CDKAL1: variants seen among roughly 807,000 people sequenced by gnomAD.
The protein encoded by CDKAL1 is CDKAL1 threonylcarbamoyladenosine tRNA methylthiotransferase.
Under a neutral mutation model 68.2 loss-of-function variants are expected in CDKAL1, and 32 were observed. The ratio of observed to expected loss-of-function variants is 0.47; its 90% CI spans 0.35 to 0.63. CDKAL1 has a LOEUF of 0.63. Among genes scored for constraint, CDKAL1 ranks in the 30% least tolerant of loss-of-function variants. The probability of loss-of-function intolerance (pLI) is 0.00; values close to 1 mark genes in which losing one functional copy is unlikely to be tolerated. For synonymous variants in CDKAL1, 234 were observed against 244.3 expected (o/e 0.96, Z 0.39); for missense variants, 606 against 696.7 (o/e 0.87, Z 1.47).
intron 13 of CDKAL1, among the ~76,000 whole-genome samples, chr6:21,131,251 GCT>G (rs1200166948): frequency 6.6e-6 from 1 of 152,130 alleles, no homozygotes; most frequent in African/African-American, 2.4e-5. Context: ...AATCTGGTTG[GCT>G]CTGATAGATT....
chr6:20,796,616 G>A (rs1192925163), intron 8 of CDKAL1, among the ~76,000 whole-genome samples: 2 of 152,186 alleles, frequency 1.3e-5, no homozygotes, highest in East Asian at 3.8e-4. Flanking sequence ...AAGAGGTGTG[G>A]TAGTGGTGAA....
intron 5 of CDKAL1, among the ~76,000 whole-genome samples, chr6:20,650,150 AC>A (rs1768685988): frequency 6.6e-6 from 1 of 152,190 alleles, no homozygotes; most frequent in Non-Finnish European, 1.5e-5. Flanking sequence ...ACTGTCTTCC[AC>A]AATGGTTTAA....
rs543664574 is a variant in CDKAL1 at position 20,919,148 on chromosome 6, G to A, written c.743-36271G>A. 3.3e-5 allele frequency among the ~76,000 whole-genome samples: 5 copies of A among 152,278 alleles called. No homozygotes were observed. In the East Asian group the frequency reaches 9.6e-4, roughly 29 times the overall value. ...GCCAGGATGTGACTCAAGTCAGGAT[G>A]GGGTCTACAGCATCATTAGCTCCTA... On this transcript the variant is annotated intron_variant, in intron 9 of 15. Coordinates refer to ENST00000274695, the MANE Select transcript of CDKAL1 (RefSeq NM_017774.3).
chr6:20,846,273 G>C, intron 9 of CDKAL1, 95 bp downstream of exon 9: 1 of 666,900 alleles, frequency 1.5e-6, no homozygotes, highest in East Asian at 2.8e-5. Context: ...AACTTCTTTA[G>C]TTTTCTGAAG....
intron 15 of CDKAL1, among the ~76,000 whole-genome samples, chr6:21,203,841 C>A (rs1022030816): frequency 6.6e-6 from 1 of 151,938 alleles, no homozygotes; most frequent in Non-Finnish European, 1.5e-5. Flanking sequence ...GGATTACAGG[C>A]GTGCGCCACC....
chr6:20,614,816 A>G lies in CDKAL1; in HGVS notation c.287-34477A>G, dbSNP rs1203489131. ...TATTATACTTTAAGTTTTAGGGTAC[A>G]TGTGCACATTGTGCAGGTTAGTTAC... On this transcript the variant is annotated intron_variant, in intron 4 of 15. Transcript: ENST00000274695. Among the ~76,000 whole-genome samples the G allele has an allele frequency of 6.6e-5, 10 of 152,096 alleles. No individual in the cohort carries two copies. The East Asian group carries it at 1.9e-3, about 29-fold the overall frequency.
chr6:21,014,657 C>G (rs1582030329), intron 11 of CDKAL1, among the ~76,000 whole-genome samples: 1 of 151,990 alleles, frequency 6.6e-6, no homozygotes, highest in East Asian at 1.9e-4. Context: ...AATAACTTCC[C>G]CTAAAAACAA....
intron 9 of CDKAL1, among the ~76,000 whole-genome samples, chr6:20,931,727 A>G (rs559018950): frequency 6.6e-6 from 1 of 151,908 alleles, no homozygotes; most frequent in Non-Finnish European, 1.5e-5. Context: ...TTTAGCAAAC[A>G]TTAATTGAGA....
At chr6:21,048,165 T>C (rs1338180963) in intron 11 of CDKAL1, among the ~76,000 whole-genome samples, 1 of 152,154 alleles carries the variant, frequency 6.6e-6, no homozygotes, top group Non-Finnish European at 1.5e-5. Flanking sequence ...GTTGCAACTG[T>C]CACAACTACA....
At chr6:20,833,794 A>T (rs146422291) in intron 8 of CDKAL1, among the ~76,000 whole-genome samples, 1 of 152,230 alleles carries the variant, frequency 6.6e-6, no homozygotes, top group East Asian at 1.9e-4. Flanking sequence ...TTAATGCCAC[A>T]TCTGGGGTTG....
chr6:20,838,268 G>T (rs1778038891), intron 8 of CDKAL1, among the ~76,000 whole-genome samples: 1 of 152,020 alleles, frequency 6.6e-6, no homozygotes, highest in Admixed American at 6.6e-5. Context: ...GTGTATAGTT[G>T]TGTTCACAGT....
intron 15 of CDKAL1, among the ~76,000 whole-genome samples, chr6:21,227,835 A>C (rs960847356): frequency 1.3e-5 from 2 of 152,264 alleles, no homozygotes; most frequent in African/African-American, 2.4e-5. Flanking sequence ...ATTTTGAACA[A>C]AATTTTATGG....
intron 4 of CDKAL1, among the ~76,000 whole-genome samples, chr6:20,609,970 C>T (rs1339384269): frequency 3.9e-5 from 6 of 152,064 alleles, no homozygotes; most frequent in African/African-American, 1.4e-4. Flanking sequence ...GCGTTGTTCC[C>T]CTCTATGTGT....
At chr6:20,941,002 C>G (rs1763946367) in intron 9 of CDKAL1, among the ~76,000 whole-genome samples, 1 of 151,780 alleles carries the variant, frequency 6.6e-6, no homozygotes, top group Non-Finnish European at 1.5e-5. Context: ...AGGCAGAATG[C>G]TGTGAACCCG....
intron 9 of CDKAL1, among the ~76,000 whole-genome samples, chr6:20,873,488 G>T (rs1760330384): frequency 6.6e-6 from 1 of 152,134 alleles, no homozygotes; most frequent in Non-Finnish European, 1.5e-5. Flanking sequence ...TACTGAGTAT[G>T]TATGTAATTT....
At chr6:21,205,920 C>T (rs564083607) in intron 15 of CDKAL1, among the ~76,000 whole-genome samples, 3 of 147,254 alleles carry the variant, frequency 2.0e-5, no homozygotes, top group African/African-American at 7.6e-5. Context: ...CCACAAGCTC[C>T]GCCTCCCGGG....
chr6:20,833,208 C>T (rs1000745824), intron 8 of CDKAL1, among the ~76,000 whole-genome samples: 2 of 152,078 alleles, frequency 1.3e-5, no homozygotes, highest in African/African-American at 2.4e-5. Context: ...CTGGTTCCAG[C>T]GTTAGTTTTT....
At chr6:20,646,866 C>T (rs1212012811) in intron 4 of CDKAL1, among the ~76,000 whole-genome samples, 1 of 152,152 alleles carries the variant, frequency 6.6e-6, no homozygotes, top group Non-Finnish European at 1.5e-5. Context: ...GCCTCAGCCT[C>T]CTGAGTAGCT....
At chr6:20,782,257 A>T (rs185609575) in intron 8 of CDKAL1, among the ~76,000 whole-genome samples, 125 of 152,306 alleles carry the variant, frequency 8.2e-4, no homozygotes, top group African/African-American at 2.9e-3. Flanking sequence ...TTTCCCAAAA[A>T]ACCCCATGGA....
Sources: allele counts gnomAD v4.1 joint callset (sites outside exome capture counted in the v4.1 genomes callset), GRCh38; gene constraint gnomAD v4.1.1; transcripts MANE v1.5; gene names NCBI Gene and HGNC (gene_info 2026-07-23, HGNC 2026-07-21).